The following SYNE1 variants were observed in gnomAD, a reference collection of about 807,000 sequenced individuals.
SYNE1 encodes the protein spectrin repeat containing nuclear envelope protein 1.
A neutral mutation model predicts 1,111.0 loss-of-function variants in SYNE1; 616 were observed. That is an observed-to-expected ratio of 0.55 (90% CI 0.52 to 0.59). SYNE1 has a LOEUF of 0.59. Ranked by LOEUF, SYNE1 falls within the 20% of genes least tolerant of loss-of-function variation. SYNE1 has a pLI of 0.00. For missense variants in SYNE1, 10,006 were observed against 10,417.0 expected, an observed-to-expected ratio of 0.96 and a Z score of 1.72; for synonymous variants, 3,855 against 3,825.8, an observed-to-expected ratio of 1.01 and a Z score of -0.28.
In SYNE1 at chr6:152,390,411, A is replaced by G. The variant is rs374351232; in HGVS notation, c.8046T>C (p.Asn2682=). ...LMKGEGEVKL[N]MAIGKGEQAL... ...CCTGTTCCCCCTTGCCAATGGCCAT[A>G]TTCAACTTAACTTCCCCTTCACCTT... Residue 2682 remains asparagine (N), a synonymous_variant, in exon 53 of 146, where the codon AAT becomes AAC. Coordinates refer to ENST00000367255, the MANE Select transcript of SYNE1 (RefSeq NM_182961.4). 7 of 1,614,136 alleles carry G rather than the reference A, an allele frequency of 4.3e-6. No homozygotes were observed. Among genetic ancestry groups the G allele is most frequent in the Admixed American group, 3.3e-5 (2 of 60,012 alleles).
intron 21 of SYNE1, among the ~76,000 whole-genome samples, chr6:152,459,746 T>C (rs1564184951): frequency 6.6e-6 from 1 of 152,332 alleles, no homozygotes; most frequent in East Asian, 1.9e-4. Flanking sequence ...AGGAAATTAA[T>C]CAGTATTTGT....
At chr6:152,409,835 T>C (rs2097986443) in intron 42 of SYNE1, 126 bp from the exon 43 acceptor site, 20 of 1,014,350 alleles carry the variant, frequency 2.0e-5, no homozygotes, top group Middle Eastern at 6.2e-4. Context: ...TCCTACATAC[T>C]GTCCTCAAAC....
intron 28 of SYNE1, 46 bp downstream of exon 28, chr6:152,449,487 C>T (rs771186326): frequency 7.5e-7 from 1 of 1,331,272 alleles, no homozygotes; most frequent in Non-Finnish European, 1.1e-6. Context: ...CATTATTCTT[C>T]CACTATGAGA....
At chr6:152,273,349 T>G (rs1016360100) in intron 98 of SYNE1, among the ~76,000 whole-genome samples, 2 of 152,248 alleles carry the variant, frequency 1.3e-5, no homozygotes, top group Admixed American at 1.3e-4. Flanking sequence ...TGTTATTAAT[T>G]ATTTTAACTG....
At chr6:152,406,486 A>C (rs1260134028) in intron 45 of SYNE1, among the ~76,000 whole-genome samples, 1 of 44,000 alleles carries the variant, frequency 2.3e-5, no homozygotes, top group East Asian at 2.9e-3. Context: ...AAAAATGCAA[A>C]AAAAAAAAAA....
intron 49 of SYNE1, among the ~76,000 whole-genome samples, chr6:152,397,754 A>G (rs1485071302): frequency 6.6e-6 from 1 of 152,120 alleles, no homozygotes; most frequent in Non-Finnish European, 1.5e-5. Context: ...TGTAACTAGC[A>G]CTTTGAGAGG....
At chr6:152,133,871 T>A in intron 142 of SYNE1, 1 of 196,792 alleles carries the variant, frequency 5.1e-6, no homozygotes, top group South Asian at 9.2e-5. Context: ...TGTCTAGGTA[T>A]CCTCTGATAT....
chr6:152,539,005 T>A (rs1459209119), intron 4 of SYNE1, among the ~76,000 whole-genome samples: 1 of 152,176 alleles, frequency 6.6e-6, no homozygotes, highest in East Asian at 1.9e-4. Context: ...TAAAATCAAC[T>A]GTCATGCTTT....
chr6:152,422,283 T>C (rs1049775881), intron 39 of SYNE1, among the ~76,000 whole-genome samples: 1 of 152,196 alleles, frequency 6.6e-6, no homozygotes, highest in Non-Finnish European at 1.5e-5. Context: ...GAAATGTCTC[T>C]TATTAAAGAT....
chr6:152,616,309 C>T (rs1185405250), intron 3 of SYNE1, among the ~76,000 whole-genome samples: 2 of 152,138 alleles, frequency 1.3e-5, no homozygotes, highest in African/African-American at 2.4e-5. Flanking sequence ...CACGGTCACT[C>T]ACACCTGTAA....
chr6:152,552,368 A>T (rs2099350190), intron 3 of SYNE1, among the ~76,000 whole-genome samples: 2 of 151,712 alleles, frequency 1.3e-5, no homozygotes, highest in Non-Finnish European at 2.9e-5. Flanking sequence ...TACTGCTAAT[A>T]TTATTTCTTA....
intron 145 of SYNE1, chr6:152,128,676 C>T (rs2054362235): frequency 6.6e-6 from 1 of 152,244 alleles, no homozygotes. Flanking sequence ...AAAAATTTCC[C>T]ATTGCAGACT....
rs1370153399 is a variant in SYNE1, at chr6:152,347,122, G to A, written c.12015C>T (p.Asn4005=). Residue 4005 remains asparagine (N), a synonymous_variant, in exon 73 of 146, where the codon AAC becomes AAT. Coordinates refer to ENST00000367255, the MANE Select transcript of SYNE1 (RefSeq NM_182961.4). ...TTGTGCCCTGCAGATGAGCATGCAC[G>A]TTTTGTTTAAGTTTCGCTTGCAGGT... ...ADHLQAKLKQ[N]VHAHLQGTKD... is the part of the protein sequence containing the mutation. 7 of 1,614,152 alleles carry A rather than the reference G, an allele frequency of 4.3e-6. No homozygotes were observed. The highest frequency in any genetic ancestry group is 4.2e-6 in the Non-Finnish European group (5 of 1,180,030).
chr6:152,217,882 C>T (rs573106604), intron 121 of SYNE1, among the ~76,000 whole-genome samples: 1 of 152,122 alleles, frequency 6.6e-6, no homozygotes, highest in South Asian at 2.1e-4. Context: ...GGGGCTCACT[C>T]GAAAGAAAGA....
At chr6:152,352,499 T>C (rs762138395) in intron 69 of SYNE1, 146 bp from the exon 70 acceptor site, 1 of 796,752 alleles carries the variant, frequency 1.3e-6, no homozygotes, top group Non-Finnish European at 2.0e-6. Context: ...GCCTCCTGGG[T>C]TCCAGCGATT....
At chr6:152,212,431 A>G (rs1248938533) in intron 123 of SYNE1, among the ~76,000 whole-genome samples, 1 of 152,180 alleles carries the variant, frequency 6.6e-6, no homozygotes, top group Non-Finnish European at 1.5e-5. Flanking sequence ...TCCAAGGTTC[A>G]TACATGTTGC....
chr6:152,470,979 A>G (rs1406285287), intron 16 of SYNE1, among the ~76,000 whole-genome samples: 1 of 152,188 alleles, frequency 6.6e-6, no homozygotes, highest in Non-Finnish European at 1.5e-5. Flanking sequence ...TCTTTCATCA[A>G]TGCAGGTCTA....
chr6:152,239,117 A>T (rs553111498), intron 108 of SYNE1, among the ~76,000 whole-genome samples: 43 of 151,836 alleles, frequency 2.8e-4, no homozygotes, highest in Admixed American at 9.2e-4. Flanking sequence ...TTGTTTCATC[A>T]TGTTGGCCAG....
At position 152,232,111 on chromosome 6, in the gene SYNE1, A is replaced by T. The variant is rs753177718; in HGVS notation, c.20862+5T>A. 5 of 1,563,568 alleles carry T rather than the reference A, an allele frequency of 3.2e-6. No individual in the cohort carries two copies. The Admixed American group carries it at 8.4e-5, about 26-fold the overall frequency. On this transcript the variant is annotated splice_donor_5th_base_variant and intron_variant, in intron 113 of 145. Transcript: ENST00000367255. ...GAAAAGTTAAAAACAAAAAATTTTA[A>T]TTACCTTATATTTCTGAAGGTATTC...
Sources: allele counts gnomAD v4.1 joint callset (sites outside exome capture counted in the v4.1 genomes callset), GRCh38; gene constraint gnomAD v4.1.1; transcripts MANE v1.5; gene names NCBI Gene and HGNC (gene_info 2026-07-23, HGNC 2026-07-21).